The following HECTD4 variants were observed in gnomAD, a reference collection of about 807,000 sequenced individuals.
HECTD4 encodes probable E3 ubiquitin-protein ligase HECTD4.
A neutral mutation model predicts 471.5 loss-of-function variants in HECTD4; 114 were observed. The ratio of observed to expected loss-of-function variants is 0.24; its 90% CI spans 0.21 to 0.28. The LOEUF (loss-of-function observed/expected upper bound fraction) is 0.28, where lower values mean the gene tolerates loss of function less well. Among genes scored for constraint, HECTD4 ranks in the 10% least tolerant of loss-of-function variants. The pLI is 1.00. For synonymous variants in HECTD4, 2,012 were observed against 2,256.0 expected (o/e 0.89, Z 3.07); for missense variants, 3,866 against 5,651.5 (o/e 0.68, Z 10.13).
At chr12:112,245,514 C>T (rs2033742103) in intron 29 of HECTD4, among the ~76,000 whole-genome samples, 1 of 152,186 alleles carries the variant, frequency 6.6e-6, no homozygotes, top group African/African-American at 2.4e-5. Flanking sequence ...CACACACTCT[C>T]TCCCAAACCT....
At chr12:112,232,983 G>T in intron 38 of HECTD4, 21 bp downstream of exon 38, 1 of 1,581,658 alleles carries the variant, frequency 6.3e-7, no homozygotes, top group Non-Finnish European at 8.7e-7. Context: ...GGGTTTCATC[G>T]TTTTAACCTC....
chr12:112,366,972 C>T (rs1225661424), intron 1 of HECTD4, among the ~76,000 whole-genome samples: 3 of 149,212 alleles, frequency 2.0e-5, no homozygotes, highest in African/African-American at 4.9e-5. Context: ...ACTGCCAATA[C>T]TACTTGGGTT....
intron 54 of HECTD4, among the ~76,000 whole-genome samples, chr12:112,202,236 T>A (rs2135533289): frequency 6.6e-6 from 1 of 152,196 alleles, no homozygotes; most frequent in African/African-American, 2.4e-5. Context: ...GACAGTGTCT[T>A]GCTCTGTTGC....
intron 1 of HECTD4, among the ~76,000 whole-genome samples, chr12:112,360,518 A>G: frequency 6.6e-6 from 1 of 152,208 alleles, no homozygotes; most frequent in East Asian, 1.9e-4. Flanking sequence ...ATCTCTAACA[A>G]AGTGAAAAAA....
At chr12:112,371,747 G>T (rs752654331) in intron 1 of HECTD4, among the ~76,000 whole-genome samples, 1 of 151,672 alleles carries the variant, frequency 6.6e-6, no homozygotes, top group African/African-American at 2.4e-5. Flanking sequence ...TGAGCTGGGC[G>T]TGGAGGCGGG....
intron 1 of HECTD4, among the ~76,000 whole-genome samples, chr12:112,372,509 C>T (rs2036700224): frequency 8.2e-5 from 1 of 12,236 alleles, no homozygotes. Flanking sequence ...GATCCGCCCA[C>T]CTGACCTCGT....
At chr12:112,269,939 T>C in intron 12 of HECTD4, 90 bp from the exon 13 acceptor site, 1 of 1,131,608 alleles carries the variant, frequency 8.8e-7, no homozygotes, top group Non-Finnish European at 1.3e-6. Context: ...AGATATCCTA[T>C]GAACAAATAA....
chr12:112,358,460 A>G (rs2036386338), intron 1 of HECTD4, among the ~76,000 whole-genome samples: 1 of 152,192 alleles, frequency 6.6e-6, no homozygotes, highest in Non-Finnish European at 1.5e-5. Context: ...AAAAAGAAAA[A>G]AAATCAAAAA....
intron 1 of HECTD4, among the ~76,000 whole-genome samples, chr12:112,352,255 G>A (rs1366041826): frequency 3.3e-5 from 5 of 151,928 alleles, no homozygotes; most frequent in South Asian, 4.1e-4. Context: ...TATTAGAATT[G>A]CTTTGAGAGC....
rs5800943 is a variant in HECTD4 at position 112,365,772 on chromosome 12, G to GT, written c.177+16179dup. ...TGCTGCTTCTTTGTGTTTTTTTTTT[G>GT]TTTTTTTTTTTTTTTTTGAGACAGG... On this transcript the variant is annotated intron_variant, in intron 1 of 75. Transcript: ENST00000682272. 6.9e-4 allele frequency among the ~76,000 whole-genome samples: 63 copies of GT among 91,884 alleles called. 1 individual carries two copies. The highest frequency in any genetic ancestry group is 1.3e-3 in the African/African-American group (31 of 24,270). 60.3% of individuals were successfully genotyped at this position (91,884 alleles called of 152,430 possible).
At chr12:112,174,185 T>A (rs1320573611) in intron 66 of HECTD4, among the ~76,000 whole-genome samples, 1 of 151,594 alleles carries the variant, frequency 6.6e-6, no homozygotes, top group African/African-American at 2.4e-5. Context: ...GTCAGGTTGG[T>A]CTTCAACTCC....
chr12:112,261,666 C>T (rs2034148433), intron 17 of HECTD4: 1 of 393,006 alleles, frequency 2.5e-6, no homozygotes, highest in African/African-American at 2.0e-5. Context: ...CAGAAATACG[C>T]AGTATTTCAG....
chr12:112,346,743 C>T (rs1232252252), intron 1 of HECTD4, among the ~76,000 whole-genome samples: 1 of 152,160 alleles, frequency 6.6e-6, no homozygotes, highest in Non-Finnish European at 1.5e-5. Flanking sequence ...TTTCCCCAGC[C>T]AGAACTCAGT....
At position 112,219,409 on chromosome 12, in the gene HECTD4, G is replaced by A. The variant is rs748170629; in HGVS notation, c.7051C>T (p.Pro2351Ser). 1.2e-6 allele frequency: 2 copies of A among 1,613,630 alleles called. 1 individual carries two copies. The highest frequency in any genetic ancestry group is 2.2e-5 in the South Asian group (2 of 90,960). The change falls in exon 45 of 76, where the codon CCT becomes TCT. Residue 2351 changes from proline (P) to serine (S), a missense_variant. Transcript: ENST00000682272. ...YRDCARPPPP[P>S]LQADRRQPKE... Reference sequence around the variant, plus strand: ...ACCTGTCTTCGGTCAGCCTGCAAAGGAGGTGGTGGGGGCCGAGCACAGTCC... The same window carrying A: ...ACCTGTCTTCGGTCAGCCTGCAAAGAAGGTGGTGGGGGCCGAGCACAGTCC...
chr12:112,349,572 G>C (rs900325401), intron 1 of HECTD4, among the ~76,000 whole-genome samples: 1 of 152,032 alleles, frequency 6.6e-6, no homozygotes, highest in Non-Finnish European at 1.5e-5. Flanking sequence ...GAAGAAGTCA[G>C]ATGAAAACAT....
At position 112,259,367 on chromosome 12, in the gene HECTD4, C is replaced by T. The variant is rs1003568690; in HGVS notation, c.2874-102G>A. The T allele has an allele frequency of 1.1e-5, 13 of 1,221,800 alleles. No individual in the cohort carries two copies. The African/African-American group carries it at 1.7e-4, about 16-fold the overall frequency. 75.7% of individuals were successfully genotyped at this position (1,221,800 alleles called of 1,614,324 possible). A position where few individuals can be genotyped will look rare whatever the true frequency, so the allele number is the denominator to read the frequency against. On this transcript the variant is annotated intron_variant, in intron 18 of 75. Transcript: ENST00000682272. ...TGACAATTTCTCCTAAACTGCACCT[C>T]CTTAAACTACTTAAGCACTTTCAGC... is the stretch of plus-strand genomic sequence containing the variant.
chr12:112,287,169 C>G (rs2034771348), intron 7 of HECTD4, among the ~76,000 whole-genome samples: 1 of 152,166 alleles, frequency 6.6e-6, no homozygotes, highest in Non-Finnish European at 1.5e-5. Context: ...CCATCTCCAC[C>G]CCATGCACTC....
intron 5 of HECTD4, 96 bp downstream of exon 5, chr12:112,309,465 G>T (rs555451176): frequency 1.7e-6 from 1 of 591,040 alleles, no homozygotes; most frequent in South Asian, 2.5e-5. Context: ...ACTAGTCTAT[G>T]GGGAGCTGGA....
Position 112,293,236 on chromosome 12 carries a change from G to A in HECTD4, c.1336-9934C>T, listed in dbSNP as rs577678768. Among the ~76,000 whole-genome samples the A allele has an allele frequency of 2.0e-5, 3 of 151,350 alleles. No homozygotes were observed. In the East Asian group the frequency reaches 5.8e-4, roughly 29 times the overall value. On this transcript the variant is annotated intron_variant, in intron 7 of 75. Coordinates refer to ENST00000682272, the MANE Select transcript of HECTD4 (RefSeq NM_001388303.1). ...CAAAAATTAGCTGGGTGTGGTGGTG[G>A]TGCCTGTAATCCCAGCTACTCAGGA...
Sources: gnomAD v4.1 joint callset for allele counts (sites outside exome capture counted in the v4.1 genomes callset) on GRCh38, gnomAD v4.1.1 for gene constraint, MANE v1.5 for transcripts, NCBI Gene and HGNC (gene_info 2026-07-23, HGNC 2026-07-21) for gene names.